The following GPR149 variants were observed in gnomAD, a reference collection of about 807,000 sequenced individuals.
GPR149 encodes the protein G protein-coupled receptor 149, also known as probable G protein-coupled receptor 149.
GPR149 carries 50 observed loss-of-function variants against 50.2 expected under a neutral mutation model. The observed-to-expected ratio is 1.00, with a 90% CI of 0.79 to 1.26. GPR149 has a LOEUF of 1.26. GPR149 is among the 50% of genes most tolerant of loss of function. The pLI, the probability that GPR149 is intolerant of heterozygous loss-of-function variation, is 0.00. For synonymous variants in GPR149, 405 were observed against 358.2 expected (o/e 1.13, Z -1.48); for missense variants, 983 against 895.4 (o/e 1.10, Z -1.25).
At chr3:154,391,781 A>G (rs1272061522) in intron 3 of GPR149, among the ~76,000 whole-genome samples, 1 of 151,808 alleles carries the variant, frequency 6.6e-6, no homozygotes, top group East Asian at 1.9e-4. Flanking sequence ...TAAACTTATT[A>G]AGTTTAGATT....
intron 1 of GPR149, 66 bp downstream of exon 1, chr3:154,428,569 G>A (rs560135087): frequency 4.0e-6 from 6 of 1,514,442 alleles, no homozygotes; most frequent in Non-Finnish European, 5.3e-6. Flanking sequence ...CGGCGACGCC[G>A]GTCCCAACAC....
chr3:154,425,770 T>C (rs1712272835), intron 2 of GPR149, among the ~76,000 whole-genome samples: 1 of 152,180 alleles, frequency 6.6e-6, no homozygotes, highest in African/African-American at 2.4e-5. Context: ...AAACCTGTGA[T>C]ATGAGTGTGA....
At chr3:154,340,230 C>T (rs1713759991) in intron 3 of GPR149, among the ~76,000 whole-genome samples, 2 of 152,214 alleles carry the variant, frequency 1.3e-5, no homozygotes, top group African/African-American at 2.4e-5. Flanking sequence ...AGGAACCTAA[C>T]TGTAGAGCCT....
chr3:154,340,551 AG>A (rs1713767136), intron 3 of GPR149, among the ~76,000 whole-genome samples: 1 of 152,230 alleles, frequency 6.6e-6, no homozygotes, highest in Admixed American at 6.5e-5. Flanking sequence ...AAGACCCCAC[AG>A]ATGATTGGAT....
intron 3 of GPR149, among the ~76,000 whole-genome samples, chr3:154,413,661 T>C (rs1178516293): frequency 1.3e-5 from 2 of 150,656 alleles, no homozygotes; most frequent in African/African-American, 4.9e-5. Context: ...AAAATAGATG[T>C]TGACAGGGAT....
Position 154,427,683 on chromosome 3 carries a change from A to G in GPR149, c.1007T>C (p.Val336Ala), listed in dbSNP as rs1712347673. The change falls in exon 2 of 4, where the codon GTG (valine) becomes GCG (alanine). Residue 336 changes from valine to alanine, a missense_variant. Transcript: ENST00000389740. ...MMMHMVVQNV[V>A]GFQSLPLETF... ...CTCCAAGGGAAGGCTCTGAAACCCC[A>G]CGACGTTCTGGACCACCATGTGCAT... The G allele has an allele frequency of 3.1e-6, 5 of 1,613,336 alleles. No homozygotes were observed. The highest frequency in any genetic ancestry group is 1.3e-5 in the African/African-American group (1 of 74,926).
chr3:154,351,683 G>C (rs1224987342), intron 3 of GPR149, among the ~76,000 whole-genome samples: 1 of 152,156 alleles, frequency 6.6e-6, no homozygotes, highest in Non-Finnish European at 1.5e-5. Context: ...AATAGCAAAA[G>C]ACAGACAATC....
chr3:154,404,377 T>C (rs1400209769), intron 3 of GPR149, among the ~76,000 whole-genome samples: 1 of 152,232 alleles, frequency 6.6e-6, no homozygotes, highest in Non-Finnish European at 1.5e-5. Context: ...TGTTGTACTA[T>C]TGGTGTTCTT....
intron 3 of GPR149, among the ~76,000 whole-genome samples, chr3:154,419,217 T>C (rs1712071787): frequency 6.6e-6 from 1 of 152,092 alleles, no homozygotes; most frequent in Non-Finnish European, 1.5e-5. Flanking sequence ...ATCAAAGTTT[T>C]ATACTTTACA....
intron 3 of GPR149, among the ~76,000 whole-genome samples, chr3:154,407,617 T>G (rs1038343851): frequency 2.7e-5 from 4 of 150,660 alleles, no homozygotes; most frequent in South Asian, 2.1e-4. Flanking sequence ...TAATATGGGG[T>G]GATTAATATA....
intron 3 of GPR149, among the ~76,000 whole-genome samples, chr3:154,407,339 T>G (rs927120207): frequency 3.3e-5 from 5 of 152,124 alleles, no homozygotes; most frequent in Non-Finnish European, 7.4e-5. Context: ...GAAGATAATG[T>G]TTTGACTGTA....
chr3:154,365,239 C>T (rs1559975523), intron 3 of GPR149, among the ~76,000 whole-genome samples: 1 of 152,170 alleles, frequency 6.6e-6, no homozygotes, highest in Non-Finnish European at 1.5e-5. Context: ...GGAGGAGAGA[C>T]TTGAGGTGAC....
Position 154,341,009 on chromosome 3 carries a change from C to T in GPR149, c.1624-2738G>A, listed in dbSNP as rs539965229. Among the ~76,000 whole-genome samples the T allele has an allele frequency of 2.3e-3, 356 of 152,202 alleles. 8 individuals are homozygous for T. Among genetic ancestry groups the T allele is most frequent in the Non-Finnish European group, 9.6e-4 (65 of 68,006 alleles). ...GGCTGGGATTACAGGCGTGAGCCAT[C>T]GTGCCCGGCCAAGATTTACAATTTT... is the stretch of plus-strand genomic sequence containing the variant. On this transcript the variant is annotated intron_variant, in intron 3 of 3. Transcript: ENST00000389740.
At chr3:154,423,456 A>T (rs1234163375) in intron 2 of GPR149, among the ~76,000 whole-genome samples, 5 of 151,876 alleles carry the variant, frequency 3.3e-5, no homozygotes, top group African/African-American at 1.2e-4. Context: ...AAGCAGAATT[A>T]CACAATGTGC....
intron 3 of GPR149, among the ~76,000 whole-genome samples, chr3:154,399,517 CCTT>C (rs1231313961): frequency 3.9e-5 from 6 of 152,118 alleles, no homozygotes; most frequent in African/African-American, 1.2e-4. Flanking sequence ...AGCTTGTAAT[CCTT>C]CTTTCTAATC....
chr3:154,337,799 T>C lies in GPR149; in HGVS notation c.2096A>G (p.Asn699Ser). ...IPDTVEAHRQ[N>S]SKRQHQERDG... ...CCTCTCTTGATGCTGCCTTTTACTG[T>C]TCTGCCTGTGTGCTTCTACTGTGTC... Residue 699 changes from asparagine (N) to serine (S), a missense_variant, in exon 4 of 4, where the codon AAC (asparagine) becomes AGC (serine). By Grantham distance (46) the Asn-to-Ser change is conservative. Coordinates refer to ENST00000389740, the MANE Select transcript of GPR149 (RefSeq NM_001038705.3). 1 of 1,614,148 alleles carries C rather than the reference T, an allele frequency of 6.2e-7. No homozygotes were observed. The highest frequency in any genetic ancestry group is 8.5e-7 in the Non-Finnish European group (1 of 1,179,984).
intron 2 of GPR149, among the ~76,000 whole-genome samples, chr3:154,422,884 TTAAA>T (rs1441673166): frequency 6.6e-6 from 1 of 151,776 alleles, no homozygotes; most frequent in African/African-American, 2.4e-5. Context: ...AAAAGGATGT[TTAAA>T]TTATTGATGG....
At chr3:154,412,781 T>C (rs1711872936) in intron 3 of GPR149, among the ~76,000 whole-genome samples, 2 of 152,054 alleles carry the variant, frequency 1.3e-5, no homozygotes, top group African/African-American at 4.8e-5. Context: ...CCATCATTCC[T>C]TCACAGAACT....
chr3:154,376,466 G>C (rs1471679951), intron 3 of GPR149, among the ~76,000 whole-genome samples: 1 of 152,164 alleles, frequency 6.6e-6, no homozygotes, highest in Non-Finnish European at 1.5e-5. Flanking sequence ...ATTAGTTATT[G>C]GGATTAATGT....
Sources: allele counts gnomAD v4.1 joint callset (sites outside exome capture counted in the v4.1 genomes callset), GRCh38; gene constraint gnomAD v4.1.1; transcripts MANE v1.5; gene names NCBI Gene and HGNC (gene_info 2026-07-23, HGNC 2026-07-21).